Variants in PTPRJ observed in about 807,000 individuals in gnomAD.
PTPRJ encodes receptor-type tyrosine-protein phosphatase eta.
A neutral mutation model predicts 141.3 loss-of-function variants in PTPRJ; 129 were observed. The ratio of observed to expected loss-of-function variants is 0.91; its 90% confidence interval spans 0.79 to 1.06. The LOEUF (loss-of-function observed/expected upper bound fraction) is 1.06, where lower values mean the gene tolerates loss of function less well. Ranked by LOEUF, PTPRJ falls within the 50% of genes least tolerant of loss-of-function variation. The probability of loss-of-function intolerance (pLI) is 0.00; values close to 1 mark genes in which losing one functional copy is unlikely to be tolerated. For missense variants in PTPRJ, 1,601 were observed against 1,679.7 expected (o/e 0.95, Z 0.82); for synonymous variants, 610 against 640.5 (o/e 0.95, Z 0.72).
chr11:48,129,919 C>A (rs912933555), intron 7 of PTPRJ, among the ~76,000 whole-genome samples: 1 of 152,164 alleles, frequency 6.6e-6, no homozygotes, highest in Non-Finnish European at 1.5e-5. Context: ...TACCTCTGCT[C>A]ATGCTTCGTT....
chr11:48,040,615 T>C (rs568717805), intron 1 of PTPRJ, among the ~76,000 whole-genome samples: 12 of 149,422 alleles, frequency 8.0e-5, no homozygotes, highest in South Asian at 6.3e-4. Context: ...TCTTCTTCTT[T>C]TTTTTTTTTT....
intron 1 of PTPRJ, among the ~76,000 whole-genome samples, chr11:47,991,929 ATT>A (rs1565246827): frequency 6.6e-6 from 1 of 152,198 alleles, no homozygotes; most frequent in African/African-American, 2.4e-5. Flanking sequence ...TTATTATCTT[ATT>A]GTGCTGAGAC....
intron 3 of PTPRJ, among the ~76,000 whole-genome samples, chr11:48,115,866 TTATAAC>T (rs1010975290): frequency 2.6e-5 from 4 of 152,166 alleles, no homozygotes; most frequent in Non-Finnish European, 5.9e-5. Context: ...AAATAACCTG[TTATAAC>T]TATAAGATTC....
At chr11:47,999,952 G>A (rs1239674594) in intron 1 of PTPRJ, among the ~76,000 whole-genome samples, 1 of 147,596 alleles carries the variant, frequency 6.8e-6, no homozygotes, top group Non-Finnish European at 1.5e-5. Flanking sequence ...CGCCTTCTGG[G>A]CTCAAGTGAT....
chr11:48,126,825 AAC>A (rs200788150), intron 6 of PTPRJ, among the ~76,000 whole-genome samples: 12 of 134,392 alleles, frequency 8.9e-5, no homozygotes, highest in African/African-American at 3.8e-4. Flanking sequence ...CACACAGATA[AAC>A]ACACATTTCC....
chr11:48,049,120 G>T lies in PTPRJ; in HGVS notation c.97-60938G>T, dbSNP rs80034276. On this transcript the variant is annotated intron_variant, in intron 1 of 24. Coordinates refer to ENST00000418331, the MANE Select transcript of PTPRJ (RefSeq NM_002843.4). Reference sequence around the variant, plus strand: ...GTTTCTCAGCCTCGGCACTACTGACGTTTGGAGTCTGATGAGTCTTTGTTG... The same window carrying T: ...GTTTCTCAGCCTCGGCACTACTGACTTTTGGAGTCTGATGAGTCTTTGTTG... 4.9e-3 allele frequency among the ~76,000 whole-genome samples: 744 copies of T among 152,202 alleles called. 6 individuals are homozygous for T. The highest frequency in any genetic ancestry group is 0.017 in the African/African-American group (722 of 41,516).
In PTPRJ at chr11:48,150,191, G is replaced by C. The variant is rs371827692; in HGVS notation, c.3138+8G>C. ...TTCGCAGAGGAATACGAAGTATGTT[G>C]CTGTAAATACTGTTTTTAATTGTGT... On this transcript the variant is annotated splice_region_variant and intron_variant, in intron 18 of 24. Transcript: ENST00000418331. 2.5e-6 allele frequency: 4 copies of C among 1,611,442 alleles called. No individual in the cohort carries two copies. The African/African-American group carries it at 5.3e-5, about 22-fold the overall frequency.
At chr11:48,126,408 A>G (rs1195702130) in intron 6 of PTPRJ, among the ~76,000 whole-genome samples, 2 of 152,068 alleles carry the variant, frequency 1.3e-5, no homozygotes, top group Non-Finnish European at 2.9e-5. Flanking sequence ...GTGTGTGTAT[A>G]GATAAGTCTT....
chr11:48,027,114 C>T (rs1590415440), intron 1 of PTPRJ, among the ~76,000 whole-genome samples: 1 of 149,464 alleles, frequency 6.7e-6, no homozygotes, highest in African/African-American at 2.5e-5. Flanking sequence ...ACGCCATTCT[C>T]CTGCCTCAGC....
intron 8 of PTPRJ, among the ~76,000 whole-genome samples, chr11:48,135,479 T>G (rs1857077431): frequency 7.6e-6 from 1 of 131,458 alleles, no homozygotes; most frequent in Admixed American, 7.5e-5. Context: ...GCCTGGCCTT[T>G]TTTTTTTTTT....
intron 1 of PTPRJ, among the ~76,000 whole-genome samples, chr11:48,109,246 T>C (rs1451122353): frequency 6.6e-6 from 1 of 151,006 alleles, no homozygotes; most frequent in African/African-American, 2.4e-5. Context: ...TCCACCAGGG[T>C]CCTTTTTGAT....
chr11:48,063,919 T>C (rs1393082157), intron 1 of PTPRJ, among the ~76,000 whole-genome samples: 2 of 65,624 alleles, frequency 3.0e-5, no homozygotes, highest in Non-Finnish European at 5.9e-5. Context: ...TCTCAGCTTA[T>C]GTGTGTGTGT....
In PTPRJ at chr11:48,060,239, G is replaced by A. The variant is rs374341027; in HGVS notation, c.97-49819G>A. ...CTGAGAATTCAAGAGGTAGATTGAC[G>A]AAATAATATTTGAATGCAATTTTAT... On this transcript the variant is annotated intron_variant, in intron 1 of 24. Transcript: ENST00000418331. Among the ~76,000 whole-genome samples, 12 of 152,260 alleles carry A rather than the reference G, an allele frequency of 7.9e-5. No homozygotes were observed. The South Asian group carries it at 1.0e-3, about 13-fold the overall frequency.
intron 1 of PTPRJ, among the ~76,000 whole-genome samples, chr11:48,104,431 T>A (rs953969501): frequency 2.6e-5 from 4 of 152,216 alleles, no homozygotes; most frequent in Non-Finnish European, 4.4e-5. Flanking sequence ...TATTTGATTT[T>A]AAACATTGCT....
intron 1 of PTPRJ, among the ~76,000 whole-genome samples, chr11:48,077,189 A>G (rs1217418544): frequency 6.6e-6 from 1 of 152,216 alleles, no homozygotes; most frequent in African/African-American, 2.4e-5. Context: ...TTAAAAAAAA[A>G]AAGGTTACTT....
intron 1 of PTPRJ, among the ~76,000 whole-genome samples, chr11:48,022,504 T>C (rs1413866633): frequency 6.6e-6 from 1 of 151,442 alleles, no homozygotes; most frequent in Non-Finnish European, 1.5e-5. Context: ...AGATGCAGCG[T>C]GGGGCCATGA....
chr11:48,149,562 A>G, intron 16 of PTPRJ, 74 bp downstream of exon 16: 3 of 1,044,036 alleles, frequency 2.9e-6, no homozygotes, highest in Non-Finnish European at 4.2e-6. Flanking sequence ...ATAATTTTTG[A>G]TGGAACTTGC....
intron 1 of PTPRJ, among the ~76,000 whole-genome samples, chr11:48,004,119 T>G (rs1363316572): frequency 1.3e-5 from 2 of 152,198 alleles, no homozygotes; most frequent in Admixed American, 1.3e-4. Context: ...ATTTTAGCTC[T>G]AACGTGATTG....
At chr11:48,137,448 A>G (rs991519225) in intron 10 of PTPRJ, among the ~76,000 whole-genome samples, 167 bp downstream of exon 10, 2 of 152,204 alleles carry the variant, frequency 1.3e-5, no homozygotes, top group African/African-American at 2.4e-5. Flanking sequence ...CGATGCCCTC[A>G]TCATTTCTGC....
Sources: allele counts gnomAD v4.1 joint callset (sites outside exome capture counted in the v4.1 genomes callset), GRCh38; gene constraint gnomAD v4.1.1; transcripts MANE v1.5; gene names NCBI Gene and HGNC (gene_info 2026-07-23, HGNC 2026-07-21).